Variants in YWHAE observed in about 807,000 individuals in gnomAD.
YWHAE encodes the protein tyrosine 3-monooxygenase/tryptophan 5-monooxygenase activation protein epsilon, also known as 14-3-3 protein epsilon.
YWHAE carries 4 observed loss-of-function variants against 30.1 expected under a neutral mutation model. The ratio of observed to expected loss-of-function variants is 0.13; its 90% CI spans 0.07 to 0.30. YWHAE has a LOEUF of 0.30. Ranked by LOEUF, YWHAE falls within the 10% of genes least tolerant of loss-of-function variation. The probability of loss-of-function intolerance (pLI) is 1.00; values close to 1 mark genes in which losing one functional copy is unlikely to be tolerated. For synonymous variants in YWHAE, 118 were observed against 111.8 expected (o/e 1.06, Z -0.35); for missense variants, 121 against 315.9 (o/e 0.38, Z 4.68).
rs529719761 is a variant in YWHAE, at chr17:1,365,790, G to A, written c.65-732C>T. On this transcript the variant is annotated intron_variant, in intron 1 of 5. Transcript: ENST00000264335. The stretch of plus-strand genomic sequence containing the variant: ...CATGTGGCTCTCCAACATTACCCAC[G>A]TTTCAATCTTTGGTGATGAGACTCA... Among the ~76,000 whole-genome samples, 4 of 152,210 alleles carry A rather than the reference G, an allele frequency of 2.6e-5. No homozygotes were observed. In the South Asian group the frequency reaches 6.2e-4, roughly 24 times the overall value.
intron 1 of YWHAE, among the ~76,000 whole-genome samples, chr17:1,380,152 CG>C (rs1567976961): frequency 6.7e-6 from 1 of 148,814 alleles, no homozygotes; most frequent in African/African-American, 2.5e-5. Flanking sequence ...CTCACTCTGT[CG>C]CCCAGGCTGG....
intron 5 of YWHAE, among the ~76,000 whole-genome samples, chr17:1,353,533 C>T (rs1372423566): frequency 6.6e-6 from 1 of 151,758 alleles, no homozygotes; most frequent in South Asian, 2.1e-4. Context: ...GAGGCTGAGG[C>T]GGGCAGAACA....
intron 1 of YWHAE, among the ~76,000 whole-genome samples, chr17:1,387,698 T>G (rs1031935387): frequency 6.6e-6 from 1 of 152,064 alleles, no homozygotes; most frequent in African/African-American, 2.4e-5. Context: ...CTCGGCATTC[T>G]GCAGCTTTCT....
rs56351171 is a variant in YWHAE, at chr17:1,354,964, GTTTTTTTTT to G, written c.579-626_579-618del. ...GGCGTGAGCCACCGCGCCCAGCCTA[GTTTTTTTTT>G]TTTTTTTTTTTTTTTTTTTTTTTTA... On this transcript the variant is annotated intron_variant, in intron 4 of 5. Coordinates refer to ENST00000264335, the MANE Select transcript of YWHAE (RefSeq NM_006761.5). Among the ~76,000 whole-genome samples the G allele has an allele frequency of 2.4e-3, 177 of 74,718 alleles. 1 individual carries two copies. The highest frequency in any genetic ancestry group is 6.6e-3 in the African/African-American group (167 of 25,326). The allele number at this position is 74,718 out of a possible 152,430, so 49.0% of individuals were successfully genotyped here.
chr17:1,365,449 T>C (rs1039436294), intron 1 of YWHAE, among the ~76,000 whole-genome samples: 1 of 152,188 alleles, frequency 6.6e-6, no homozygotes, highest in Non-Finnish European at 1.5e-5. Flanking sequence ...CACAAATAAA[T>C]AGTATTTCCA....
At chr17:1,372,227 T>C (rs1018301097) in intron 1 of YWHAE, among the ~76,000 whole-genome samples, 10 of 152,242 alleles carry the variant, frequency 6.6e-5, no homozygotes, top group African/African-American at 2.4e-4. Flanking sequence ...TATCTGTAGC[T>C]TTCTCACCTC....
intron 5 of YWHAE, among the ~76,000 whole-genome samples, chr17:1,352,406 G>T (rs996835284): frequency 6.6e-6 from 1 of 152,128 alleles, no homozygotes. Flanking sequence ...ACTTTCAGAA[G>T]CATTTTCAAA....
chr17:1,388,039 C>CCTTAA (rs2073327166), intron 1 of YWHAE, among the ~76,000 whole-genome samples: 2 of 147,778 alleles, frequency 1.4e-5, no homozygotes, highest in Admixed American at 6.9e-5. Context: ...GATTCTCCTG[C>CCTTAA]CTTAACCTCC....
At position 1,370,353 on chromosome 17, in the gene YWHAE, G is replaced by A. The variant is rs530163710; in HGVS notation, c.65-5295C>T. On this transcript the variant is annotated intron_variant, in intron 1 of 5. Coordinates refer to ENST00000264335, the MANE Select transcript of YWHAE (RefSeq NM_006761.5). Reference sequence around the variant, plus strand: ...TCACCATGTTAGCCAGGACGGTCTCGATCTCCTGACCTTGTGATCCGCCCG... The same window carrying A: ...TCACCATGTTAGCCAGGACGGTCTCAATCTCCTGACCTTGTGATCCGCCCG... Among the ~76,000 whole-genome samples, 187 of 151,618 alleles carry A rather than the reference G, an allele frequency of 1.2e-3. 1 individual carries two copies. Among genetic ancestry groups the A allele is most frequent in the Non-Finnish European group, 2.1e-3 (143 of 67,916 alleles).
rs2072497448 is a variant in YWHAE at position 1,345,309 on chromosome 17, C to CAGA, written c.*137_*138insTCT. 6.0e-5 allele frequency: 35 copies of CAGA among 584,672 alleles called. No homozygotes were observed. Among genetic ancestry groups the CAGA allele is most frequent in the African/African-American group, 2.6e-4 (12 of 45,700 alleles). 36.2% of individuals were successfully genotyped at this position (584,672 alleles called of 1,614,324 possible). A position where few individuals can be genotyped will look rare whatever the true frequency, so the allele number is the denominator to read the frequency against. The stretch of plus-strand genomic sequence containing the variant: ...CTGTTTAAAAAAAAAAAAAAAAAAC[C>CAGA]AACAGGGCAGGAACCTAAATTCTGA... On this transcript the variant is annotated 3_prime_UTR_variant, in exon 6 of 6. Coordinates refer to ENST00000264335, the MANE Select transcript of YWHAE (RefSeq NM_006761.5).
chr17:1,381,452 T>C (rs905867279), intron 1 of YWHAE, among the ~76,000 whole-genome samples: 1 of 152,090 alleles, frequency 6.6e-6, no homozygotes, highest in Non-Finnish European at 1.5e-5. Flanking sequence ...GAGGTTGCAG[T>C]GAGCTGAGAT....
chr17:1,378,680 C>A (rs2073160253), intron 1 of YWHAE, among the ~76,000 whole-genome samples: 1 of 152,242 alleles, frequency 6.6e-6, no homozygotes, highest in Non-Finnish European at 1.5e-5. Flanking sequence ...CACGGCGGCT[C>A]ACGCCTGTAA....
chr17:1,398,416 T>C (rs1329386513), intron 1 of YWHAE, among the ~76,000 whole-genome samples: 3 of 150,464 alleles, frequency 2.0e-5, no homozygotes, highest in Non-Finnish European at 4.4e-5. Flanking sequence ...CTATATTTCC[T>C]AAATATGAGT....
chr17:1,360,548 G>A (rs2072848527), intron 4 of YWHAE, among the ~76,000 whole-genome samples: 1 of 152,050 alleles, frequency 6.6e-6, no homozygotes, highest in Non-Finnish European at 1.5e-5. Context: ...GATCACTTGA[G>A]GTCAGGAGTT....
intron 4 of YWHAE, among the ~76,000 whole-genome samples, chr17:1,359,885 G>A (rs1192200342): frequency 7.1e-6 from 1 of 141,266 alleles, no homozygotes; most frequent in Non-Finnish European, 1.5e-5. Flanking sequence ...CCAGGCGAGA[G>A]GGAGAGGGAG....
intron 5 of YWHAE, among the ~76,000 whole-genome samples, chr17:1,350,040 A>G (rs1385694721): frequency 2.7e-5 from 4 of 149,138 alleles, no homozygotes; most frequent in Non-Finnish European, 5.9e-5. Context: ...ACAACCTCCA[A>G]CTCCCAGGTT....
Position 1,400,141 on chromosome 17 carries a change from A to G in YWHAE, c.-31T>C. ...CAGCGGCTCCGGCAGGGTCTGCGCGACGGATGGAAGCGGATAGTGTCTCCG... is the reference window on the plus strand; with the variant it reads ...CAGCGGCTCCGGCAGGGTCTGCGCGGCGGATGGAAGCGGATAGTGTCTCCG... On this transcript the variant is annotated 5_prime_UTR_variant, in exon 1 of 6. Transcript: ENST00000264335. 1 of 1,613,602 alleles carries G rather than the reference A, an allele frequency of 6.2e-7. No homozygotes were observed. Among genetic ancestry groups the G allele is most frequent in the East Asian group, 2.2e-5 (1 of 44,856 alleles).
intron 1 of YWHAE, among the ~76,000 whole-genome samples, chr17:1,385,224 T>A (rs2073283211): frequency 6.6e-6 from 1 of 151,544 alleles, no homozygotes; most frequent in African/African-American, 2.4e-5. Flanking sequence ...AGTTAAAGGT[T>A]AAGAAAAAAT....
chr17:1,357,384 C>A (rs1375190269), intron 4 of YWHAE, among the ~76,000 whole-genome samples: 2 of 111,894 alleles, frequency 1.8e-5, no homozygotes, highest in African/African-American at 7.4e-5. Context: ...GCCTGGGGGA[C>A]ATAGCGAGAC....
Sources: gnomAD v4.1 joint callset for allele counts (sites outside exome capture counted in the v4.1 genomes callset) on GRCh38, gnomAD v4.1.1 for gene constraint, MANE v1.5 for transcripts, NCBI Gene and HGNC (gene_info 2026-07-23, HGNC 2026-07-21) for gene names.